NRG3: variants seen among roughly 807,000 people sequenced by gnomAD.
The protein encoded by NRG3 is pro-neuregulin-3, membrane-bound isoform.
A neutral mutation model predicts 66.9 loss-of-function variants in NRG3; 31 were observed. The ratio of observed to expected loss-of-function variants is 0.46; its 90% confidence interval spans 0.35 to 0.63. The LOEUF (loss-of-function observed/expected upper bound fraction) is 0.63. Among genes scored for constraint, NRG3 ranks in the 20% least tolerant of loss-of-function variants. The pLI is 0.00. For synonymous variants in NRG3, 393 were observed against 359.4 expected (o/e 1.09, Z -1.06); for missense variants, 910 against 878.9 (o/e 1.04, Z -0.45).
At chr10:81,907,166 G>A (rs1844675102) in intron 1 of NRG3, among the ~76,000 whole-genome samples, 1 of 152,132 alleles carries the variant, frequency 6.6e-6, no homozygotes, top group South Asian at 2.1e-4. Flanking sequence ...TTTCTAGGAG[G>A]ATGTCAATTA....
chr10:82,562,824 T>C (rs2133033842), intron 2 of NRG3, among the ~76,000 whole-genome samples: 1 of 146,944 alleles, frequency 6.8e-6, no homozygotes. Context: ...GGACACAGAG[T>C]GGGTGGGGAG....
intron 2 of NRG3, among the ~76,000 whole-genome samples, chr10:82,539,942 G>A (rs1274747709): frequency 6.6e-6 from 1 of 151,996 alleles, no homozygotes; most frequent in African/African-American, 2.4e-5. Context: ...GTTTACTGCC[G>A]TTTTTTTATA....
intron 1 of NRG3, among the ~76,000 whole-genome samples, chr10:81,891,947 C>G (rs1046736799): frequency 6.6e-6 from 1 of 152,170 alleles, no homozygotes; most frequent in African/African-American, 2.4e-5. Context: ...ACCTCCCTTC[C>G]TCTGTCTCGC....
Position 82,850,947 on chromosome 10 carries a change from C to T in NRG3, c.1028-14464C>T, listed in dbSNP as rs140497051. Among the ~76,000 whole-genome samples, 67 of 152,140 alleles carry T rather than the reference C, an allele frequency of 4.4e-4. No individual in the cohort carries two copies. The East Asian group carries it at 0.012, about 27-fold the overall frequency. ...AGGGTAAATACTTGAAACCTATCAC[C>T]TGAGTTTGAATCCCAGCACTTTTTT... On this transcript the variant is annotated intron_variant, in intron 3 of 8. Transcript: ENST00000372141.
intron 4 of NRG3, among the ~76,000 whole-genome samples, chr10:82,926,269 G>A (rs958452958): frequency 2.6e-5 from 4 of 152,208 alleles, no homozygotes; most frequent in Non-Finnish European, 4.4e-5. Context: ...GAGGATATGT[G>A]TAGGCTATAG....
At chr10:82,488,794 C>T (rs957350158) in intron 2 of NRG3, among the ~76,000 whole-genome samples, 2 of 152,086 alleles carry the variant, frequency 1.3e-5, no homozygotes, top group African/African-American at 4.8e-5. Context: ...GATTTAATAC[C>T]ATATTCTGTA....
At chr10:82,586,389 C>A (rs1301354665) in intron 2 of NRG3, among the ~76,000 whole-genome samples, 1 of 152,106 alleles carries the variant, frequency 6.6e-6, no homozygotes, top group Non-Finnish European at 1.5e-5. Context: ...CCAAAATGGC[C>A]TTGAAAGGCA....
chr10:82,403,862 G>T (rs568573863), intron 2 of NRG3, among the ~76,000 whole-genome samples: 1 of 151,848 alleles, frequency 6.6e-6, no homozygotes. Flanking sequence ...TCTCTAGGTC[G>T]TAGTTTTCCC....
intron 2 of NRG3, among the ~76,000 whole-genome samples, chr10:82,571,430 A>G (rs1261611847): frequency 6.6e-6 from 1 of 151,724 alleles, no homozygotes; most frequent in African/African-American, 2.4e-5. Flanking sequence ...AGTATTTATT[A>G]TTATACATCA....
At chr10:82,214,648 G>C (rs2075573199) in intron 1 of NRG3, among the ~76,000 whole-genome samples, 1 of 151,868 alleles carries the variant, frequency 6.6e-6, no homozygotes. Context: ...AATTTTTTTT[G>C]CACAGAGATG....
chr10:82,018,292 A>G (rs1378168020), intron 1 of NRG3, among the ~76,000 whole-genome samples: 2 of 152,158 alleles, frequency 1.3e-5, no homozygotes, highest in Non-Finnish European at 2.9e-5. Context: ...CCATTGGTCT[A>G]CATCTCTCTT....
Position 82,985,387 on chromosome 10 carries a change from C to A in NRG3, c.1873C>A (p.Gln625Lys), listed in dbSNP as rs199670372. ...PVSDCLIAEQQEVKILLETVQ... is the reference protein window; with the variant it reads ...PVSDCLIAEQKEVKILLETVQ... ...CAGCGATTGTCTTATAGCAGAACAA[C>A]AAGAAGTGAAAATATTGCTAGAAAC... The change falls in exon 9 of 9, where the codon CAA becomes AAA. Residue 625 changes from glutamine to lysine, a missense_variant. Transcript: ENST00000372141. 9 of 1,614,088 alleles carry A rather than the reference C, an allele frequency of 5.6e-6. No homozygotes were observed. In the Admixed American group the frequency reaches 1.2e-4, roughly 21 times the overall value.
chr10:82,182,979 C>A (rs1341494934), intron 1 of NRG3, among the ~76,000 whole-genome samples: 1 of 151,936 alleles, frequency 6.6e-6, no homozygotes, highest in Non-Finnish European at 1.5e-5. Flanking sequence ...GCTGAGAAAT[C>A]CACTGATAGT....
chr10:82,489,354 C>T (rs148764439), intron 2 of NRG3, among the ~76,000 whole-genome samples: 133 of 152,264 alleles, frequency 8.7e-4, no homozygotes, highest in African/African-American at 3.1e-3. Context: ...TTAGGTTCAT[C>T]TGAAGTTTCT....
At chr10:82,392,007 A>C (rs950406872) in intron 2 of NRG3, among the ~76,000 whole-genome samples, 1 of 148,192 alleles carries the variant, frequency 6.7e-6, no homozygotes, top group Non-Finnish European at 1.5e-5. Flanking sequence ...AAAAAAAAAA[A>C]AAACAAAAAA....
chr10:82,910,889 A>T (rs1477673653), intron 4 of NRG3, among the ~76,000 whole-genome samples: 1 of 152,244 alleles, frequency 6.6e-6, no homozygotes, highest in Non-Finnish European at 1.5e-5. Context: ...CACTTGGAAC[A>T]TAGTAACTGA....
At chr10:81,952,105 G>T (rs9988782) in intron 1 of NRG3, among the ~76,000 whole-genome samples, 1 of 151,902 alleles carries the variant, frequency 6.6e-6, no homozygotes, top group East Asian at 1.9e-4. Context: ...GTGGGGGAAG[G>T]GGGGAGGGAT....
intron 2 of NRG3, among the ~76,000 whole-genome samples, chr10:82,388,522 A>G (rs543163017): frequency 1.3e-5 from 2 of 152,304 alleles, no homozygotes; most frequent in Non-Finnish European, 2.9e-5. Context: ...ATTTAAGATC[A>G]TGTAATATGG....
At chr10:82,934,379 G>T (rs1847872832) in intron 4 of NRG3, among the ~76,000 whole-genome samples, 1 of 152,182 alleles carries the variant, frequency 6.6e-6, no homozygotes, top group African/African-American at 2.4e-5. Flanking sequence ...ATTCAGTTCA[G>T]CTGTAACCGT....
Sources: allele counts gnomAD v4.1 joint callset (sites outside exome capture counted in the v4.1 genomes callset), GRCh38; gene constraint gnomAD v4.1.1; transcripts MANE v1.5; gene names NCBI Gene and HGNC (gene_info 2026-07-23, HGNC 2026-07-21).